The following GREB1L variants were observed in gnomAD, a reference collection of about 807,000 sequenced individuals.
The protein encoded by GREB1L is GREB1 like retinoic acid receptor coactivator.
A neutral mutation model predicts 200.8 loss-of-function variants in GREB1L; 17 were observed. That is an observed-to-expected ratio of 0.08 (90% CI 0.06 to 0.13). The LOEUF (loss-of-function observed/expected upper bound fraction) is 0.13, where lower values mean the gene tolerates loss of function less well. Ranked by LOEUF, GREB1L falls within the 10% of genes least tolerant of loss-of-function variation. The pLI is 1.00. For missense variants in GREB1L, 1,657 were observed against 2,367.7 expected, an observed-to-expected ratio of 0.70 and a Z score of 6.23; for synonymous variants, 789 against 893.0, an observed-to-expected ratio of 0.88 and a Z score of 2.08.
rs2037670560 is a variant in GREB1L at position 21,525,515 on chromosome 18, C to T, written c.*2694C>T. 6.6e-6 allele frequency: 1 copy of T among 152,088 alleles called. No homozygotes were observed. The highest frequency in any genetic ancestry group is 1.5e-5 in the Non-Finnish European group (1 of 68,026). The allele number at this position is 152,088 out of a possible 1,614,324, so 9.4% of individuals were successfully genotyped here. ...TCCTAAAAAGGCTGGAAGTCAGTCA[C>T]ATTATAGGTTGGACAACCAAGATTA... On this transcript the variant is annotated 3_prime_UTR_variant, in exon 33 of 33. Coordinates refer to ENST00000424526, the MANE Select transcript of GREB1L (RefSeq NM_001142966.3).
intron 1 of GREB1L, among the ~76,000 whole-genome samples, chr18:21,313,981 C>T (rs1170399704): frequency 2.0e-5 from 3 of 152,046 alleles, no homozygotes; most frequent in Non-Finnish European, 4.4e-5. Flanking sequence ...TTTAAGTAAA[C>T]GAAATAACTG....
chr18:21,328,752 A>G (rs912429050), intron 1 of GREB1L, among the ~76,000 whole-genome samples: 5 of 152,054 alleles, frequency 3.3e-5, no homozygotes, highest in African/African-American at 1.2e-4. Flanking sequence ...GGGTGTGTCC[A>G]CTTAGGGGGT....
intron 1 of GREB1L, among the ~76,000 whole-genome samples, chr18:21,361,016 T>A (rs2039573201): frequency 6.6e-6 from 1 of 152,332 alleles, no homozygotes; most frequent in South Asian, 2.1e-4. Flanking sequence ...GGTGGTCTGT[T>A]ATCTATTTTT....
At position 21,440,249 on chromosome 18, in the gene GREB1L, G is replaced by A; in HGVS notation, c.950-20G>A. 6.5e-7 allele frequency: 1 copy of A among 1,537,918 alleles called. No individual in the cohort carries two copies. The highest frequency in any genetic ancestry group is 1.2e-5 in the South Asian group (1 of 81,750). Reference sequence around the variant, plus strand: ...GAGAACAAGACTATCTCTTTTTTTTGTTTTTTTGTTTGTCTTCAGCTACCA... The same window carrying A: ...GAGAACAAGACTATCTCTTTTTTTTATTTTTTTGTTTGTCTTCAGCTACCA... On this transcript the variant is annotated intron_variant, in intron 8 of 32. Transcript: ENST00000424526.
chr18:21,524,140 C>T lies in GREB1L; in HGVS notation c.*1319C>T, dbSNP rs1486631768. ...GCCCATATTTACTACTTTATCCCCA[C>T]TTAAAATGGCCATTTTTACTTGAAT... On this transcript the variant is annotated 3_prime_UTR_variant, in exon 33 of 33. Coordinates refer to ENST00000424526, the MANE Select transcript of GREB1L (RefSeq NM_001142966.3). 6.6e-6 allele frequency: 1 copy of T among 152,204 alleles called. No individual in the cohort carries two copies. Among genetic ancestry groups the T allele is most frequent in the Non-Finnish European group, 1.5e-5 (1 of 68,024 alleles). The allele number at this position is 152,204 out of a possible 1,614,324, so 9.4% of individuals were successfully genotyped here.
chr18:21,325,443 T>C (rs549850486), intron 1 of GREB1L, among the ~76,000 whole-genome samples: 3 of 152,302 alleles, frequency 2.0e-5, no homozygotes, highest in African/African-American at 7.2e-5. Context: ...TGCTCAATAC[T>C]ATATGGCAGA....
chr18:21,509,341 G>A (rs1358433963), intron 27 of GREB1L, among the ~76,000 whole-genome samples: 20 of 152,222 alleles, frequency 1.3e-4, no homozygotes. Context: ...GCCAAGTCAG[G>A]AGCTGCTTGT....
At chr18:21,306,511 T>C (rs1427335776) in intron 1 of GREB1L, among the ~76,000 whole-genome samples, 1 of 152,220 alleles carries the variant, frequency 6.6e-6, no homozygotes, top group Non-Finnish European at 1.5e-5. Flanking sequence ...ACTTGATGTG[T>C]TATGTGCTTG....
At chr18:21,324,306 T>G (rs1187344992) in intron 1 of GREB1L, among the ~76,000 whole-genome samples, 4 of 152,214 alleles carry the variant, frequency 2.6e-5, no homozygotes, top group Non-Finnish European at 4.4e-5. Flanking sequence ...AAAAGCTGTG[T>G]TCAAGAGCTT....
At chr18:21,335,031 C>T (rs1315890083) in intron 1 of GREB1L, among the ~76,000 whole-genome samples, 1 of 152,174 alleles carries the variant, frequency 6.6e-6, no homozygotes, top group Non-Finnish European at 1.5e-5. Context: ...TGGAAAAGAA[C>T]TTTGGGTTTT....
intron 20 of GREB1L, among the ~76,000 whole-genome samples, 194 bp from the exon 21 acceptor site, chr18:21,496,260 G>A (rs897904519): frequency 2.0e-5 from 3 of 152,046 alleles, no homozygotes; most frequent in Non-Finnish European, 2.9e-5. Context: ...TTTTATATTC[G>A]AAGAAAATGA....
chr18:21,318,271 G>A (rs1286633276), intron 1 of GREB1L, among the ~76,000 whole-genome samples: 1 of 152,152 alleles, frequency 6.6e-6, no homozygotes, highest in Non-Finnish European at 1.5e-5. Flanking sequence ...AAATCTGTTT[G>A]ATCAGGCCAC....
At chr18:21,426,981 AAAAAAAC>A (rs1568000283) in intron 7 of GREB1L, among the ~76,000 whole-genome samples, 4 of 87,576 alleles carry the variant, frequency 4.6e-5, no homozygotes, top group African/African-American at 1.7e-4. Flanking sequence ...AACAAAAAAA[AAAAAAAC>A]AAAAAAAAAA....
chr18:21,414,960 G>A (rs2031481995), intron 7 of GREB1L, among the ~76,000 whole-genome samples: 1 of 152,148 alleles, frequency 6.6e-6, no homozygotes, highest in Non-Finnish European at 1.5e-5. Flanking sequence ...TCTTATGATT[G>A]CCCAAGCTTG....
intron 25 of GREB1L, among the ~76,000 whole-genome samples, chr18:21,507,805 GAT>G (rs1377123223): frequency 6.6e-6 from 1 of 152,200 alleles, no homozygotes; most frequent in East Asian, 1.9e-4. Flanking sequence ...ACATCCCACA[GAT>G]ATATCTGACC....
chr18:21,277,083 C>T (rs2038180645), intron 1 of GREB1L, among the ~76,000 whole-genome samples: 1 of 152,064 alleles, frequency 6.6e-6, no homozygotes, highest in Admixed American at 6.5e-5. Flanking sequence ...CACCCACCAC[C>T]ACGCCCAGCC....
chr18:21,457,561 C>G (rs555280817), intron 15 of GREB1L, among the ~76,000 whole-genome samples: 122 of 152,288 alleles, frequency 8.0e-4, no homozygotes, highest in Non-Finnish European at 1.4e-3. Flanking sequence ...AGTGTTCCAC[C>G]TCTCTTCCCT....
At chr18:21,438,353 A>G (rs1345464560) in intron 7 of GREB1L, among the ~76,000 whole-genome samples, 1 of 152,100 alleles carries the variant, frequency 6.6e-6, no homozygotes, top group Non-Finnish European at 1.5e-5. Context: ...TTTTTAAAAG[A>G]GTCTTTTTCT....
chr18:21,303,384 T>C (rs1040855240), intron 1 of GREB1L, among the ~76,000 whole-genome samples: 11 of 152,242 alleles, frequency 7.2e-5, no homozygotes, highest in African/African-American at 2.7e-4. Flanking sequence ...GAAAAATTCT[T>C]GTTCTTTTGT....
Sources: allele counts gnomAD v4.1 joint callset (sites outside exome capture counted in the v4.1 genomes callset), GRCh38; gene constraint gnomAD v4.1.1; transcripts MANE v1.5; gene names NCBI Gene and HGNC (gene_info 2026-07-23, HGNC 2026-07-21).